HCN1: variants seen among roughly 807,000 people sequenced by gnomAD.
HCN1 encodes potassium/sodium hyperpolarization-activated cyclic nucleotide-gated channel 1.
HCN1 carries 13 observed loss-of-function variants against 78.9 expected under a neutral mutation model. That is an observed-to-expected ratio of 0.16 (90% CI 0.11 to 0.26). The LOEUF (loss-of-function observed/expected upper bound fraction) is 0.26, where lower values mean the gene tolerates loss of function less well. Among genes scored for constraint, HCN1 ranks in the 10% least tolerant of loss-of-function variants. The pLI, the probability that HCN1 is intolerant of heterozygous loss-of-function variation, is 1.00. For synonymous variants in HCN1, 552 were observed against 455.5 expected, an observed-to-expected ratio of 1.21 and a Z score of -2.70; for missense variants, 810 against 1,154.3, an observed-to-expected ratio of 0.70 and a Z score of 4.32.
intron 2 of HCN1, among the ~76,000 whole-genome samples, chr5:45,505,543 C>T (rs940052370): frequency 2.6e-5 from 4 of 152,052 alleles, no homozygotes; most frequent in Non-Finnish European, 4.4e-5. Flanking sequence ...CGTGATGCCT[C>T]CCGCTTTGTT....
intron 2 of HCN1, among the ~76,000 whole-genome samples, chr5:45,581,741 C>G (rs577946530): frequency 1.3e-5 from 2 of 152,172 alleles, no homozygotes; most frequent in African/African-American, 4.8e-5. Context: ...CTGCATATGA[C>G]TATCCAGTTT....
intron 2 of HCN1, among the ~76,000 whole-genome samples, chr5:45,488,169 C>T (rs564804651): frequency 6.6e-6 from 1 of 151,778 alleles, no homozygotes; most frequent in Non-Finnish European, 1.5e-5. Context: ...ACTACCTTCT[C>T]CCAACACTAC....
At chr5:45,407,192 CTATAAGA>C (rs1312622342) in intron 3 of HCN1, among the ~76,000 whole-genome samples, 1 of 152,048 alleles carries the variant, frequency 6.6e-6, no homozygotes, top group Non-Finnish European at 1.5e-5. Context: ...AGCAGTGGTT[CTATAAGA>C]AGATGATAAT....
chr5:45,264,112 T>G (rs568332980), intron 7 of HCN1, among the ~76,000 whole-genome samples: 2 of 152,138 alleles, frequency 1.3e-5, no homozygotes, highest in Non-Finnish European at 2.9e-5. Context: ...AATTCTTAAA[T>G]GCAGCCAAGA....
At chr5:45,345,400 G>C (rs1746680436) in intron 5 of HCN1, among the ~76,000 whole-genome samples, 1 of 152,194 alleles carries the variant, frequency 6.6e-6, no homozygotes, top group African/African-American at 2.4e-5. Context: ...AATTGCTGCA[G>C]AAGGCTTGAA....
chr5:45,503,280 A>T (rs1742228125), intron 2 of HCN1, among the ~76,000 whole-genome samples: 1 of 152,164 alleles, frequency 6.6e-6, no homozygotes, highest in Admixed American at 6.5e-5. Context: ...CTACTAGTTT[A>T]TAGGAAATAA....
intron 4 of HCN1, among the ~76,000 whole-genome samples, chr5:45,358,643 G>A (rs931168661): frequency 2.6e-5 from 4 of 151,940 alleles, no homozygotes; most frequent in African/African-American, 9.7e-5. Flanking sequence ...ACCCCTAAAG[G>A]AAACTAAAAA....
At position 45,696,212 on chromosome 5, in the gene HCN1, T is replaced by A; in HGVS notation, c.-119A>T. 1 of 399,348 alleles carries A rather than the reference T, an allele frequency of 2.5e-6. No homozygotes were observed. The highest frequency in any genetic ancestry group is 3.5e-6 in the Non-Finnish European group (1 of 288,684). The allele number at this position is 399,348 out of a possible 1,614,324, so 24.7% of individuals were successfully genotyped here. On this transcript the variant is annotated 5_prime_UTR_variant, in exon 1 of 8. Transcript: ENST00000303230. Reference sequence around the variant, plus strand: ...GGCTGCCGGCGAGCCCAGCTGCCCGTCGCGGCGGCGGCGGCGGCGGCGGCG... The same window carrying A: ...GGCTGCCGGCGAGCCCAGCTGCCCGACGCGGCGGCGGCGGCGGCGGCGGCG...
rs116138198 is a variant in HCN1 at position 45,258,521 on chromosome 5, C to A, written c.*3400G>T. On this transcript the variant is annotated 3_prime_UTR_variant, in exon 8 of 8. Transcript: ENST00000303230. ...ATATATTGCCATTGCTACTATTTATCCTCCTTGTTTTCAGGAATGCTTCAC... is the reference window on the plus strand; with the variant it reads ...ATATATTGCCATTGCTACTATTTATACTCCTTGTTTTCAGGAATGCTTCAC... 346 of 152,226 alleles carry A rather than the reference C, an allele frequency of 2.3e-3. 1 individual carries two copies. Among genetic ancestry groups the A allele is most frequent in the African/African-American group, 7.9e-3 (327 of 41,556 alleles). 9.4% of individuals were successfully genotyped at this position (152,226 alleles called of 1,614,324 possible).
intron 4 of HCN1, among the ~76,000 whole-genome samples, chr5:45,392,495 G>C (rs994414273): frequency 6.6e-6 from 1 of 152,004 alleles, no homozygotes; most frequent in Non-Finnish European, 1.5e-5. Context: ...ATAGCTGAGA[G>C]AGTACTTACA....
At position 45,695,882 on chromosome 5, in the gene HCN1, C is replaced by T. The variant is rs1487553404; in HGVS notation, c.212G>A (p.Gly71Asp). The change falls in exon 1 of 8, where the codon GGC (glycine) becomes GAC (aspartate). Residue 71 changes from glycine to aspartate, a missense_variant. By Grantham distance (94) the Gly-to-Asp change is moderately conservative (BLOSUM62 -1). Around this residue, in one of 6 missense-constraint regions of HCN1, gnomAD observed 170 missense variants for 166.8 expected, o/e 1.02. Transcript: ENST00000303230. Reference sequence around the variant, plus strand: ...CCCCGCCGGCTCCTCGCCGCCGCCGCCGCCGCCGCCACCGCCGCCACCGCC... The same window carrying T: ...CCCCGCCGGCTCCTCGCCGCCGCCGTCGCCGCCGCCACCGCCGCCACCGCC... ...VDGGGGGGGG[G>D]GGGEEPAGGF... The T allele has an allele frequency of 3.9e-6, 6 of 1,525,506 alleles. No individual in the cohort carries two copies. The South Asian group carries it at 7.2e-5, about 18-fold the overall frequency. 94.5% of individuals were successfully genotyped at this position (1,525,506 alleles called of 1,614,324 possible). A position where few individuals can be genotyped will look rare whatever the true frequency, so the allele number is the denominator to read the frequency against.
At chr5:45,327,769 G>A (rs898782325) in intron 5 of HCN1, among the ~76,000 whole-genome samples, 2 of 151,518 alleles carry the variant, frequency 1.3e-5, no homozygotes, top group African/African-American at 4.8e-5. Context: ...ATAAGAAGAG[G>A]AAATTTGGAC....
intron 4 of HCN1, among the ~76,000 whole-genome samples, chr5:45,368,012 T>A (rs1199842030): frequency 6.6e-6 from 1 of 151,968 alleles, no homozygotes; most frequent in African/African-American, 2.4e-5. Flanking sequence ...GGATCTTGAC[T>A]GTAGATGAGG....
chr5:45,544,246 A>G (rs1419365129), intron 2 of HCN1, among the ~76,000 whole-genome samples: 2 of 152,274 alleles, frequency 1.3e-5, no homozygotes, highest in African/African-American at 2.4e-5. Flanking sequence ...AAAGTAGTAC[A>G]AAGTTCAGAA....
At chr5:45,632,113 A>T (rs1017543045) in intron 2 of HCN1, among the ~76,000 whole-genome samples, 2 of 152,092 alleles carry the variant, frequency 1.3e-5, no homozygotes, top group Non-Finnish European at 2.9e-5. Flanking sequence ...AAAATGAATG[A>T]TATAGCAATT....
intron 4 of HCN1, among the ~76,000 whole-genome samples, chr5:45,375,843 A>ATATTATATATG (rs1176906173): frequency 8.3e-6 from 1 of 120,818 alleles, no homozygotes; most frequent in Non-Finnish European, 1.6e-5. Context: ...TCTTATATAT[A>ATATTATATATG]ATATAATATT....
chr5:45,451,261 T>C (rs1183459447), intron 3 of HCN1, among the ~76,000 whole-genome samples: 2 of 152,252 alleles, frequency 1.3e-5, no homozygotes, highest in African/African-American at 2.4e-5. Flanking sequence ...TTTACATTTC[T>C]TTTTAATATT....
intron 2 of HCN1, among the ~76,000 whole-genome samples, chr5:45,509,726 A>T (rs1016385159): frequency 6.6e-6 from 1 of 152,162 alleles, no homozygotes; most frequent in African/African-American, 2.4e-5. Flanking sequence ...GGCTGTTATG[A>T]ATATTTTCAA....
intron 2 of HCN1, among the ~76,000 whole-genome samples, chr5:45,521,180 G>T (rs182074549): frequency 5.9e-5 from 9 of 151,922 alleles, no homozygotes; most frequent in Admixed American, 3.3e-4. Context: ...CCCTAAAGGA[G>T]AGTGAAACCA....
Sources: allele counts gnomAD v4.1 joint callset (sites outside exome capture counted in the v4.1 genomes callset), GRCh38; gene constraint gnomAD v4.1.1; regional missense constraint gnomAD v4.1.1; transcripts MANE v1.5; gene names NCBI Gene and HGNC (gene_info 2026-07-23, HGNC 2026-07-21).